The following FAM117B variants were observed in gnomAD, a reference collection of about 807,000 sequenced individuals.
FAM117B encodes family with sequence similarity 117 member B, also known as protein FAM117B.
FAM117B carries 22 observed loss-of-function variants against 52.8 expected under a neutral mutation model. That is an observed-to-expected ratio of 0.42 (90% CI 0.30 to 0.59). The LOEUF (loss-of-function observed/expected upper bound fraction) is 0.59. Ranked by LOEUF, FAM117B falls within the 20% of genes least tolerant of loss-of-function variation. The probability of loss-of-function intolerance (pLI) is 0.22; values close to 1 mark genes in which losing one functional copy is unlikely to be tolerated. For missense variants in FAM117B, 678 were observed against 802.6 expected (o/e 0.84, Z 1.88); for synonymous variants, 309 against 324.1 (o/e 0.95, Z 0.50).
chr2:202,766,102 A>ACACCCACC lies in FAM117B; in HGVS notation c.*341_*342insCCACCCAC. ...CACACACACACACACACACACACACACACACCCCTGATCCTTGCCAACATG... is the reference window on the plus strand; with the variant it reads ...CACACACACACACACACACACACACACACCCACCCACACCCCTGATCCTTGCCAACATG... On this transcript the variant is annotated 3_prime_UTR_variant, in exon 8 of 8. Coordinates refer to ENST00000392238, the MANE Select transcript of FAM117B (RefSeq NM_173511.4). 1 of 190,658 alleles carries ACACCCACC rather than the reference A, an allele frequency of 5.2e-6. No individual in the cohort carries two copies. Among genetic ancestry groups the ACACCCACC allele is most frequent in the South Asian group, 1.0e-4 (1 of 10,012 alleles). The allele number at this position is 190,658 out of a possible 1,614,324, so 11.8% of individuals were successfully genotyped here. A position where few individuals can be genotyped will look rare whatever the true frequency, so the allele number is the denominator to read the frequency against.
Position 202,688,143 on chromosome 2 carries a change from A to G in FAM117B, c.602-7738A>G, listed in dbSNP as rs537612748. 2.6e-5 allele frequency among the ~76,000 whole-genome samples: 4 copies of G among 152,252 alleles called. No homozygotes were observed. The South Asian group carries it at 8.3e-4, about 32-fold the overall frequency. On this transcript the variant is annotated intron_variant, in intron 1 of 7. Transcript: ENST00000392238. ...TTTTCCTGTTCTTCAATTTTTGGAC[A>G]TATCTTTGTATTTGAAGCCTTTTTT...
At chr2:202,679,038 CAA>C (rs1335136128) in intron 1 of FAM117B, among the ~76,000 whole-genome samples, 2 of 152,148 alleles carry the variant, frequency 1.3e-5, no homozygotes, top group Non-Finnish European at 2.9e-5. Context: ...ACTCCTATAA[CAA>C]TATCATAATA....
chr2:202,744,374 C>T (rs974856968), intron 4 of FAM117B, among the ~76,000 whole-genome samples: 3 of 152,118 alleles, frequency 2.0e-5, no homozygotes, highest in African/African-American at 7.2e-5. Context: ...TAACCTCCAG[C>T]TATTGCAGGA....
rs1691216698 is a variant in FAM117B, at chr2:202,725,004, A to C, written c.841A>C (p.Lys281Gln). ...SASWGSTDQL[K>Q]EIAKLRQQLQ... ...ATCTTGGGGCAGTACAGATCAACTTAAGGAGGTCAGAAAAATGGTTCTAAG... is the reference window on the plus strand; with the variant it reads ...ATCTTGGGGCAGTACAGATCAACTTCAGGAGGTCAGAAAAATGGTTCTAAG... The change falls in exon 3 of 8, where the codon AAG becomes CAG. Residue 281 changes from lysine to glutamine, a missense_variant. Transcript: ENST00000392238. 1 of 1,608,808 alleles carries C rather than the reference A, an allele frequency of 6.2e-7. No individual in the cohort carries two copies. The highest frequency in any genetic ancestry group is 8.5e-7 in the Non-Finnish European group (1 of 1,176,718).
intron 3 of FAM117B, chr2:202,725,299 CTTT>C (rs11432596): frequency 7.2e-4 from 107 of 148,738 alleles, no homozygotes; most frequent in South Asian, 3.1e-3. Flanking sequence ...CACATTTATT[CTTT>C]TTTTTTTTTT....
intron 4 of FAM117B, among the ~76,000 whole-genome samples, chr2:202,739,541 A>C (rs1691492593): frequency 1.4e-5 from 2 of 145,726 alleles, no homozygotes; most frequent in Non-Finnish European, 3.0e-5. Flanking sequence ...CTGCAGCCTC[A>C]ACCTCCTGGG....
intron 4 of FAM117B, among the ~76,000 whole-genome samples, chr2:202,741,589 T>G (rs1172377798): frequency 6.7e-6 from 1 of 150,170 alleles, no homozygotes; most frequent in Non-Finnish European, 1.5e-5. Flanking sequence ...CATGCTGGAG[T>G]GCAGTGGCGC....
intron 1 of FAM117B, among the ~76,000 whole-genome samples, chr2:202,683,484 AAGT>A (rs1313330377): frequency 1.3e-5 from 2 of 152,224 alleles, no homozygotes; most frequent in Non-Finnish European, 2.9e-5. Context: ...AGGAATGAAA[AAGT>A]AGATGTTACT....
chr2:202,645,025 G>A (rs1689838608), intron 1 of FAM117B, among the ~76,000 whole-genome samples: 1 of 151,874 alleles, frequency 6.6e-6, no homozygotes, highest in Admixed American at 6.6e-5. Context: ...TTTGGAAGCT[G>A]TGTTATCTAG....
intron 1 of FAM117B, among the ~76,000 whole-genome samples, chr2:202,641,741 C>G (rs1157920264): frequency 6.6e-6 from 1 of 150,888 alleles, no homozygotes; most frequent in African/African-American, 2.4e-5. Flanking sequence ...TGGGTTCAAG[C>G]GATTCTCCTG....
chr2:202,710,071 A>G (rs1219668675), intron 2 of FAM117B, among the ~76,000 whole-genome samples: 1 of 152,164 alleles, frequency 6.6e-6, no homozygotes, highest in Non-Finnish European at 1.5e-5. Context: ...TGATGCCTCT[A>G]GCTTTGTTCT....
chr2:202,642,290 G>C (rs1056406618), intron 1 of FAM117B, among the ~76,000 whole-genome samples: 12 of 148,064 alleles, frequency 8.1e-5, no homozygotes, highest in African/African-American at 3.0e-4. Flanking sequence ...CTCATCCAAG[G>C]CTTTAGGCAC....
At chr2:202,643,601 T>C (rs1157413856) in intron 1 of FAM117B, among the ~76,000 whole-genome samples, 1 of 152,210 alleles carries the variant, frequency 6.6e-6, no homozygotes, top group Non-Finnish European at 1.5e-5. Flanking sequence ...TATTATCAAA[T>C]AAAATGTTCC....
intron 1 of FAM117B, among the ~76,000 whole-genome samples, chr2:202,672,038 C>G (rs915712948): frequency 7.2e-5 from 11 of 152,128 alleles, no homozygotes; most frequent in Non-Finnish European, 1.3e-4. Flanking sequence ...GTGGCCAGAC[C>G]AGTTGCATGG....
At chr2:202,701,726 G>T (rs1019258381) in intron 2 of FAM117B, among the ~76,000 whole-genome samples, 37 of 152,312 alleles carry the variant, frequency 2.4e-4, no homozygotes, top group African/African-American at 8.2e-4. Flanking sequence ...TGCAGATGTG[G>T]TGGAAATAGC....
At chr2:202,688,166 T>G (rs189950263) in intron 1 of FAM117B, among the ~76,000 whole-genome samples, 2 of 152,346 alleles carry the variant, frequency 1.3e-5, no homozygotes, top group Admixed American at 6.5e-5. Context: ...TGAAGCCTTT[T>G]TTGGCATTTG....
At chr2:202,687,272 A>T (rs182269236) in intron 1 of FAM117B, among the ~76,000 whole-genome samples, 1 of 152,336 alleles carries the variant, frequency 6.6e-6, no homozygotes, top group African/African-American at 2.4e-5. Flanking sequence ...AGTAGGTCAG[A>T]GTTTACCTGG....
In FAM117B at chr2:202,754,002, T is replaced by C. The variant is rs538654537; in HGVS notation, c.961-1536T>C. On this transcript the variant is annotated intron_variant, in intron 4 of 7. Transcript: ENST00000392238. ...AAGGATCTAGAACCAGAAATACCAT[T>C]TGACCCAGCAATCCCATTACTGAAT... Among the ~76,000 whole-genome samples the C allele has an allele frequency of 2.0e-5, 3 of 152,270 alleles. No individual in the cohort carries two copies. The South Asian group carries it at 6.2e-4, about 32-fold the overall frequency.
Position 202,740,173 on chromosome 2 carries a change from CCAAAAAA to C in FAM117B, c.960+13811_960+13817del, listed in dbSNP as rs1179312661. ...GGAGGACAGAGCGAGACTTCATCCC[CCAAAAAA>C]AAAAAAAAAAAAAAAAAAAAAATCC... On this transcript the variant is annotated intron_variant, in intron 4 of 7. Transcript: ENST00000392238. Among the ~76,000 whole-genome samples, 33 of 69,688 alleles carry C rather than the reference CCAAAAAA, an allele frequency of 4.7e-4. 4 individuals are homozygous for C. Among genetic ancestry groups the C allele is most frequent in the Middle Eastern group, 0.015 (1 of 68 alleles). The allele number at this position is 69,688 out of a possible 152,430, so 45.7% of individuals were successfully genotyped here.
Sources: gnomAD v4.1 joint callset for allele counts (sites outside exome capture counted in the v4.1 genomes callset) on GRCh38, gnomAD v4.1.1 for gene constraint, MANE v1.5 for transcripts, NCBI Gene and HGNC (gene_info 2026-07-23, HGNC 2026-07-21) for gene names.